Variants in C4orf50 observed in about 807,000 individuals in gnomAD.
The protein encoded by C4orf50 is uncharacterized protein C4orf50.
Under a neutral mutation model 77.2 loss-of-function variants are expected in C4orf50, and 80 were observed. The observed-to-expected ratio is 1.04, with a 90% CI of 0.87 to 1.25. C4orf50 has a LOEUF of 1.25. Among genes scored for constraint, C4orf50 ranks in the 50% most tolerant of loss-of-function variants. The probability of loss-of-function intolerance (pLI) is 0.00; values close to 1 mark genes in which losing one functional copy is unlikely to be tolerated. For synonymous variants in C4orf50, 532 were observed against 465.3 expected (o/e 1.14, Z -1.84); for missense variants, 1,257 against 1,152.9 (o/e 1.09, Z -1.31).
intron 32 of C4orf50, among the ~76,000 whole-genome samples, chr4:5,966,442 T>C (rs906795413): frequency 6.6e-6 from 1 of 151,442 alleles, no homozygotes; most frequent in African/African-American, 2.4e-5. Flanking sequence ...ACCTTTGCAC[T>C]CCAGCGTGGG....
exon 28 of C4orf50, chr4:5,990,210 G>C: frequency 1.7e-5 from 21 of 1,244,550 alleles, no homozygotes; most frequent in Non-Finnish European, 2.1e-5. Flanking sequence ...GGCAGGTGGC[G>C]GCCTTAGTCT....
In C4orf50 at chr4:5,990,190, G is replaced by T. The variant is rs1721183254; in HGVS notation, c.1856C>A (p.Ser619Tyr). Residue 619 changes from serine (S) to tyrosine (Y), a missense_variant, in exon 28 of 34, where the codon TCC becomes TAC. Coordinates refer to ENST00000531445, the Ensembl canonical transcript of C4orf50. ...AAGAGGCATCAAAAACTCCTGCCAG[G>T]ACCCAGGGCGGCAGGTGGCGGCCTT... 2.4e-6 allele frequency: 3 copies of T among 1,245,784 alleles called. No individual in the cohort carries two copies. In the East Asian group the frequency reaches 9.2e-5, roughly 38 times the overall value. 77.2% of individuals were successfully genotyped at this position (1,245,784 alleles called of 1,614,324 possible).
chr4:5,981,551 T>A (rs1049898303), intron 28 of C4orf50, among the ~76,000 whole-genome samples: 1 of 151,956 alleles, frequency 6.6e-6, no homozygotes, highest in Non-Finnish European at 1.5e-5. Flanking sequence ...ATTGCAGATA[T>A]GTGCCACCAC....
intron 28 of C4orf50, among the ~76,000 whole-genome samples, chr4:5,980,597 G>A (rs1393573669): frequency 6.6e-6 from 1 of 152,114 alleles, no homozygotes; most frequent in Non-Finnish European, 1.5e-5. Flanking sequence ...TGCATGTATA[G>A]GAGTGGGTGG....
chr4:5,992,771 T>G lies in C4orf50; in HGVS notation c.1221+32A>C. ...CAGGGCTGAGGGGAACCAGTGGCAC[T>G]GCACACACACGCAGAAAGCCTCTGG... is the stretch of plus-strand genomic sequence containing the variant. On this transcript the variant is annotated intron_variant, in intron 27 of 33. Transcript: ENST00000531445. The surrounding 1 kb of genome is among the most constrained non-coding windows in gnomAD (Gnocchi z 5.0). 1 of 399,124 alleles carries G rather than the reference T, an allele frequency of 2.5e-6. No individual in the cohort carries two copies. The highest frequency in any genetic ancestry group is 3.6e-5 in the East Asian group (1 of 28,064). 24.7% of individuals were successfully genotyped at this position (399,124 alleles called of 1,614,324 possible). A position where few individuals can be genotyped will look rare whatever the true frequency, so the allele number is the denominator to read the frequency against.
chr4:5,960,196 A>G (rs1300103724), intron 33 of C4orf50, among the ~76,000 whole-genome samples: 2 of 152,214 alleles, frequency 1.3e-5, no homozygotes, highest in Non-Finnish European at 2.9e-5. Context: ...TCGACTTCAA[A>G]GCCAAGCCCA....
intron 32 of C4orf50, among the ~76,000 whole-genome samples, chr4:5,966,999 G>A (rs928228219): frequency 3.9e-5 from 6 of 152,158 alleles, no homozygotes; most frequent in African/African-American, 1.4e-4. Context: ...CCATGCTGTT[G>A]CATGGTGTTT....
At chr4:5,918,080 G>C (rs1386326196) in intron 7 of C4orf50, among the ~76,000 whole-genome samples, 2 of 152,186 alleles carry the variant, frequency 1.3e-5, no homozygotes, top group Non-Finnish European at 2.9e-5. Flanking sequence ...CACTTCTGCT[G>C]TCAGGAAGCT....
chr4:5,952,411 T>A, downstream of C4orf50, among the ~76,000 whole-genome samples: 1 of 152,128 alleles, frequency 6.6e-6, no homozygotes. This position sits in a 1 kb window ranked among gnomAD's most constrained non-coding sequence, Gnocchi z 4.4. Flanking sequence ...GGGCTGGCAG[T>A]GGGGACGGCA....
chr4:5,917,172 A>G (rs1319166686), intron 7 of C4orf50, among the ~76,000 whole-genome samples: 1 of 152,178 alleles, frequency 6.6e-6, no homozygotes, highest in African/African-American at 2.4e-5. Context: ...GCTGAGGCTC[A>G]AGAGTCATTG....
In C4orf50 at chr4:6,011,499, ATTTG is replaced by A. The variant is rs1348915299; in HGVS notation, c.426+327_426+330del. Among the ~76,000 whole-genome samples the A allele has an allele frequency of 6.6e-6, 1 of 151,864 alleles. No homozygotes were observed. Among genetic ancestry groups the A allele is most frequent in the East Asian group, 1.9e-4 (1 of 5,156 alleles). ...GCACCCCACATCCGGGTTTAGAGTT[ATTTG>A]TTTCTTATCAGTCTCCCCCATCTGC... On this transcript the variant is annotated intron_variant, in intron 24 of 33. Transcript: ENST00000531445. The surrounding 1 kb of genome is among the most constrained non-coding windows in gnomAD (Gnocchi z 4.2).
intron 25 of C4orf50, among the ~76,000 whole-genome samples, chr4:6,003,522 T>C (rs1475322565): frequency 4.0e-5 from 6 of 150,722 alleles, no homozygotes; most frequent in Non-Finnish European, 5.9e-5. Flanking sequence ...ATGGTGATGA[T>C]GATGTGGTGG....
intron 23 of C4orf50, among the ~76,000 whole-genome samples, chr4:6,014,732 C>T (rs150718545): frequency 6.6e-6 from 1 of 152,236 alleles, no homozygotes; most frequent in Non-Finnish European, 1.5e-5. Context: ...GATGATGTCA[C>T]CCCATGCATC....
chr4:5,948,241 C>T (rs150959866), intron 7 of C4orf50, among the ~76,000 whole-genome samples: 20 of 152,272 alleles, frequency 1.3e-4, no homozygotes, highest in Non-Finnish European at 1.9e-4. Context: ...GAGGGGGCAA[C>T]GGGAAGTGCT....
At position 6,008,370 on chromosome 4, in the gene C4orf50, C is replaced by T; in HGVS notation, c.589G>A (p.Val197Ile). The T allele has an allele frequency of 5.1e-6, 2 of 392,496 alleles. No individual in the cohort carries two copies. The highest frequency in any genetic ancestry group is 9.0e-6 in the Non-Finnish European group (2 of 222,186). The allele number at this position is 392,496 out of a possible 1,614,324, so 24.3% of individuals were successfully genotyped here. ...AGCCGCTGCACCTGCTCCCGCAGGACGCGCTCCTGCTCCCGCACCAGGCCC... is the reference window on the plus strand; with the variant it reads ...AGCCGCTGCACCTGCTCCCGCAGGATGCGCTCCTGCTCCCGCACCAGGCCC... Residue 197 changes from valine to isoleucine, a missense_variant, in exon 25 of 34, where the codon GTC (valine) becomes ATC (isoleucine). Transcript: ENST00000531445. The surrounding 1 kb of genome is among the most constrained non-coding windows in gnomAD (Gnocchi z 6.0).
intron 7 of C4orf50, among the ~76,000 whole-genome samples, chr4:5,926,295 C>G (rs1476348582): frequency 6.6e-6 from 1 of 152,154 alleles, no homozygotes; most frequent in African/African-American, 2.4e-5. Flanking sequence ...ACGGCGGAGG[C>G]TGACCTTGAA....
At chr4:5,946,429 A>G (rs1718485579) in intron 7 of C4orf50, among the ~76,000 whole-genome samples, 1 of 141,808 alleles carries the variant, frequency 7.1e-6, no homozygotes, top group East Asian at 2.0e-4. Context: ...GTTAAAGAAT[A>G]AATCGTAAGT....
chr4:5,990,515 C>G, exon 28 of C4orf50: 2 of 399,190 alleles, frequency 5.0e-6, no homozygotes. Context: ...CAATCCCAGC[C>G]TGGGTGTCCT....
intron 30 of C4orf50, among the ~76,000 whole-genome samples, chr4:5,975,444 T>C (rs1373037010): frequency 2.0e-5 from 3 of 152,156 alleles, no homozygotes; most frequent in Admixed American, 1.3e-4. Context: ...GGAAATGCCA[T>C]GTGCAAGCAG....
Sources: allele counts gnomAD v4.1 joint callset (sites outside exome capture counted in the v4.1 genomes callset), GRCh38; gene constraint gnomAD v4.1.1; non-coding constraint Gnocchi (gnomAD v3.1); transcripts MANE v1.5; gene names NCBI Gene and HGNC (gene_info 2026-07-23, HGNC 2026-07-21).